Variants in ANK1 observed in about 807,000 individuals in gnomAD.
ANK1 encodes the protein ankyrin 1, also known as ankyrin-1.
ANK1 carries 51 observed loss-of-function variants against 210.4 expected under a neutral mutation model. The observed-to-expected ratio is 0.24, with a 90% CI of 0.19 to 0.31. The LOEUF (loss-of-function observed/expected upper bound fraction) is 0.31. ANK1 is among the 10% of genes least tolerant of loss of function. ANK1 has a pLI of 1.00. For missense variants in ANK1, 2,051 were observed against 2,504.4 expected, an observed-to-expected ratio of 0.82 and a Z score of 3.86; for synonymous variants, 967 against 1,025.9, an observed-to-expected ratio of 0.94 and a Z score of 1.10.
At chr8:41,857,753 C>A (rs1453597251) in intron 1 of ANK1, among the ~76,000 whole-genome samples, 5 of 134,150 alleles carry the variant, frequency 3.7e-5, no homozygotes, top group Non-Finnish European at 8.0e-5. Flanking sequence ...AAAAAAAAAA[C>A]GTTGGCCAGG....
rs561314212 is a variant in ANK1, at chr8:41,747,375, C to T, written c.129+10661G>A. Among the ~76,000 whole-genome samples, 21 of 152,158 alleles carry T rather than the reference C, an allele frequency of 1.4e-4. No homozygotes were observed. In the South Asian group the frequency reaches 4.4e-3, roughly 32 times the overall value. ...CATTTTGCCTGTGACTTTACCTGTC[C>T]CCTCTCTTTGCCACACTGTACCTTA... On this transcript the variant is annotated intron_variant, in intron 2 of 42. Transcript: ENST00000289734.
rs113547907 is a variant in ANK1 at position 41,692,948 on chromosome 8, GC to G, written c.3630-73del. The G allele has an allele frequency of 0.03, 46,456 of 1,549,042 alleles. 2,008 individuals carry two copies. The highest frequency in any genetic ancestry group is 0.21 in the African/African-American group (15,174 of 73,422). On this transcript the variant is annotated intron_variant, in intron 30 of 42. Coordinates refer to ENST00000289734, the MANE Select transcript of ANK1 (RefSeq NM_000037.4). ...CATCCTTTCCATCCAGACGGGAGCAGCCCGTGAGCCATACCATGGCTACTAT... is the reference window on the plus strand; with the variant it reads ...CATCCTTTCCATCCAGACGGGAGCAGCCGTGAGCCATACCATGGCTACTAT...
At chr8:41,728,099 C>A in intron 3 of ANK1, 93 bp from the exon 4 acceptor site, 1 of 1,285,612 alleles carries the variant, frequency 7.8e-7, no homozygotes, top group Non-Finnish European at 1.1e-6. Flanking sequence ...GCTTGAGGGA[C>A]CCGGGGGCTT....
intron 37 of ANK1, among the ~76,000 whole-genome samples, chr8:41,677,545 GC>G (rs1290666404): frequency 1.3e-5 from 2 of 151,494 alleles, no homozygotes; most frequent in African/African-American, 4.8e-5. Flanking sequence ...CTTTAAAGAT[GC>G]CACACCATGT....
At chr8:41,676,659 A>T (rs187902102) in intron 37 of ANK1, among the ~76,000 whole-genome samples, 21 of 152,254 alleles carry the variant, frequency 1.4e-4, no homozygotes. Flanking sequence ...CTTAACCAAG[A>T]TCTTTAAGGT....
At position 41,693,025 on chromosome 8, in the gene ANK1, G is replaced by C. The variant is rs1819717581; in HGVS notation, c.3629+80C>G. The C allele has an allele frequency of 2.0e-6, 3 of 1,519,468 alleles. No homozygotes were observed. In the Admixed American group the frequency reaches 5.0e-5, roughly 26 times the overall value. 94.1% of individuals were successfully genotyped at this position (1,519,468 alleles called of 1,614,324 possible). ...TCCACATGGAGGGGACAGTGAGGGA[G>C]CCTCAGCCTCAGGCCTGGACGGCAG... On this transcript the variant is annotated intron_variant, in intron 30 of 42. Coordinates refer to ENST00000289734, the MANE Select transcript of ANK1 (RefSeq NM_000037.4).
chr8:41,849,394 A>C (rs974620297), intron 1 of ANK1, among the ~76,000 whole-genome samples: 5 of 152,136 alleles, frequency 3.3e-5, no homozygotes, highest in African/African-American at 4.8e-5. Context: ...CATGGTGGCA[A>C]GTGCCTATAA....
At chr8:41,659,200 C>T (rs1211361062) in intron 42 of ANK1, among the ~76,000 whole-genome samples, 1 of 152,212 alleles carries the variant, frequency 6.6e-6, no homozygotes, top group Non-Finnish European at 1.5e-5. Flanking sequence ...ACATCCCAGC[C>T]TTCTTGCACT....
chr8:41,656,867 GCTGCTGTAGAACTGTAAAGCCAGGAA>G (rs1444871412), intron 42 of ANK1, among the ~76,000 whole-genome samples: 1 of 152,174 alleles, frequency 6.6e-6, no homozygotes, highest in African/African-American at 2.4e-5. Context: ...CTTGCCAGGG[GCTGCTGTAGAACTGTAAAGCCAGGAA>G]CTGCTGCTGC....
chr8:41,693,076 A>G (rs955336364), intron 30 of ANK1, 29 bp downstream of exon 30: 1 of 1,573,308 alleles, frequency 6.4e-7, no homozygotes, highest in Admixed American at 1.7e-5. Flanking sequence ...CGGCCCACAC[A>G]ATACTGGGCT....
chr8:41,695,095 C>T, intron 27 of ANK1, 82 bp downstream of exon 27: 1 of 1,562,564 alleles, frequency 6.4e-7, no homozygotes, highest in Non-Finnish European at 8.8e-7. Context: ...CTTCAGGTGG[C>T]CCTCAAAGAC....
chr8:41,712,085 C>T (rs994191465), intron 16 of ANK1, among the ~76,000 whole-genome samples: 12 of 152,108 alleles, frequency 7.9e-5, no homozygotes, highest in South Asian at 2.1e-4. Flanking sequence ...CTGCCATGCC[C>T]GGCTAATTTT....
chr8:41,679,558 C>CTTTTTTTT (rs869249907), intron 37 of ANK1, among the ~76,000 whole-genome samples: 33 of 90,234 alleles, frequency 3.7e-4, no homozygotes, highest in Non-Finnish European at 5.4e-4. Context: ...CCTGGACTTT[C>CTTTTTTTT]TTTTTTTTTT....
At chr8:41,873,560 C>A (rs1031111652) in intron 1 of ANK1, among the ~76,000 whole-genome samples, 2 of 152,214 alleles carry the variant, frequency 1.3e-5, no homozygotes, top group African/African-American at 4.8e-5. Context: ...GAGTTGCAAC[C>A]AAGCTAGGCT....
intron 1 of ANK1, among the ~76,000 whole-genome samples, chr8:41,760,982 G>A (rs1334246422): frequency 6.7e-6 from 1 of 149,620 alleles, no homozygotes; most frequent in African/African-American, 2.4e-5. Flanking sequence ...ACCTGTGAAG[G>A]TGACCTTATT....
At chr8:41,791,531 A>G (rs557248413) in intron 1 of ANK1, among the ~76,000 whole-genome samples, 3 of 151,508 alleles carry the variant, frequency 2.0e-5, no homozygotes, top group Non-Finnish European at 4.4e-5. Context: ...TCCCAGGTTC[A>G]AGTGATGCTC....
intron 2 of ANK1, among the ~76,000 whole-genome samples, chr8:41,755,776 G>T (rs1838985796): frequency 6.6e-6 from 1 of 152,180 alleles, no homozygotes; most frequent in Admixed American, 6.5e-5. Flanking sequence ...GTTTCAACCT[G>T]CTATGCAAAG....
In ANK1 at chr8:41,653,225, T is replaced by C. The variant is rs1420829233; in HGVS notation, c.*2565A>G. ...AGCGGGAAGGAGAGATAGAGCCCTG[T>C]GCCATTAGTCCATTTCTTTATTAAT... On this transcript the variant is annotated 3_prime_UTR_variant, in exon 43 of 43. Coordinates refer to ENST00000289734, the MANE Select transcript of ANK1 (RefSeq NM_000037.4). 2.0e-5 allele frequency: 3 copies of C among 152,872 alleles called. No homozygotes were observed. The highest frequency in any genetic ancestry group is 6.5e-5 in the Admixed American group (1 of 15,286). 9.5% of individuals were successfully genotyped at this position (152,872 alleles called of 1,614,324 possible).
Position 41,694,037 on chromosome 8 carries a change from A to C in ANK1, c.3393T>G (p.Ile1131Met). The C allele has an allele frequency of 2.5e-6, 4 of 1,614,002 alleles. No homozygotes were observed. The highest frequency in any genetic ancestry group is 3.4e-6 in the Non-Finnish European group (4 of 1,179,940). ...LLGNQATFSP[I>M]VTVEPRRRKF... ...TCCGGCGCCGGGGCTCCACGGTGACAATGGGGCTGAATGTGGCCTGGTTGC... is the reference window on the plus strand; with the variant it reads ...TCCGGCGCCGGGGCTCCACGGTGACCATGGGGCTGAATGTGGCCTGGTTGC... The change falls in exon 29 of 43, where the codon ATT becomes ATG. Residue 1131 changes from isoleucine to methionine, a missense_variant. Ile to Met is a conservative substitution (Grantham distance 10, BLOSUM62 1). This residue lies in a region of ANK1 where 1,413 missense variants were observed against 1,707.4 expected (regional missense o/e 0.83). Transcript: ENST00000289734. The surrounding 1 kb of genome is among the most constrained non-coding windows in gnomAD (Gnocchi z 5.7).
Sources: gnomAD v4.1 joint callset for allele counts (sites outside exome capture counted in the v4.1 genomes callset) on GRCh38, gnomAD v4.1.1 for gene constraint, gnomAD v4.1.1 regional missense constraint, Gnocchi (gnomAD v3.1) non-coding constraint, MANE v1.5 for transcripts, NCBI Gene and HGNC (gene_info 2026-07-23, HGNC 2026-07-21) for gene names.